IGF1R: variants seen among roughly 807,000 people sequenced by gnomAD.
The protein encoded by IGF1R is insulin-like growth factor 1 receptor.
Under a neutral mutation model 144.6 loss-of-function variants are expected in IGF1R, and 44 were observed. The observed-to-expected ratio is 0.30, with a 90% CI of 0.24 to 0.39. The LOEUF (loss-of-function observed/expected upper bound fraction) is 0.39, where lower values mean the gene tolerates loss of function less well. Among genes scored for constraint, IGF1R ranks in the 10% least tolerant of loss-of-function variants. The pLI is 1.00. For synonymous variants in IGF1R, 795 were observed against 722.8 expected (o/e 1.10, Z -1.60); for missense variants, 1,355 against 1,833.7 (o/e 0.74, Z 4.77).
intron 2 of IGF1R, among the ~76,000 whole-genome samples, chr15:98,736,804 G>A (rs1031903531): frequency 2.6e-5 from 4 of 151,846 alleles, no homozygotes; most frequent in African/African-American, 7.3e-5. Context: ...TAGAGACGAC[G>A]TTTCACCATG....
chr15:98,688,054 G>A (rs2053373925), intron 1 of IGF1R, among the ~76,000 whole-genome samples: 2 of 152,168 alleles, frequency 1.3e-5, no homozygotes, highest in Admixed American at 1.3e-4. Flanking sequence ...AGAGGCTGAT[G>A]GGCGGGGAGT....
intron 2 of IGF1R, among the ~76,000 whole-genome samples, chr15:98,816,084 C>A (rs1171104928): frequency 6.6e-6 from 1 of 152,186 alleles, no homozygotes; most frequent in Non-Finnish European, 1.5e-5. Flanking sequence ...GCCACCCCAG[C>A]CACCCTACTT....
intron 2 of IGF1R, among the ~76,000 whole-genome samples, chr15:98,737,752 A>G (rs2175800): frequency 0.93 from 141,367 of 152,128 alleles, 65,977 homozygotes; most frequent in Non-Finnish European, 0.98. Flanking sequence ...ATGATGAGGT[A>G]GAGTGGAGGG....
chr15:98,789,570 A>G (rs1364262760), intron 2 of IGF1R, among the ~76,000 whole-genome samples: 1 of 152,204 alleles, frequency 6.6e-6, no homozygotes. Flanking sequence ...TACCTTACAA[A>G]GAAGGTGATA....
chr15:98,825,611 T>G (rs2056879718), intron 2 of IGF1R, among the ~76,000 whole-genome samples: 1 of 152,182 alleles, frequency 6.6e-6, no homozygotes, highest in African/African-American at 2.4e-5. Context: ...TGGAACAGTT[T>G]CATCCCAAAA....
At chr15:98,847,804 G>T (rs1339368954) in intron 2 of IGF1R, among the ~76,000 whole-genome samples, 2 of 152,180 alleles carry the variant, frequency 1.3e-5, no homozygotes, top group African/African-American at 2.4e-5. Flanking sequence ...GACATACTGA[G>T]ATGAAGTTAG....
intron 2 of IGF1R, among the ~76,000 whole-genome samples, chr15:98,803,252 T>C (rs1380177531): frequency 6.6e-6 from 1 of 152,224 alleles, no homozygotes; most frequent in Non-Finnish European, 1.5e-5. Context: ...TGGAGCATGT[T>C]GCTGTTCTGA....
intron 2 of IGF1R, among the ~76,000 whole-genome samples, chr15:98,756,429 G>T (rs553803151): frequency 6.6e-6 from 1 of 152,108 alleles, no homozygotes; most frequent in East Asian, 1.9e-4. Context: ...TGCTGGGAAA[G>T]AATTTATCTA....
chr15:98,814,403 T>G (rs1596325368), intron 2 of IGF1R, among the ~76,000 whole-genome samples: 1 of 151,966 alleles, frequency 6.6e-6, no homozygotes, highest in Admixed American at 6.6e-5. Context: ...CAGGCTGGAG[T>G]GCAGTGGCAC....
chr15:98,818,085 T>G (rs139077354), intron 2 of IGF1R, among the ~76,000 whole-genome samples: 1 of 152,310 alleles, frequency 6.6e-6, no homozygotes, highest in Non-Finnish European at 1.5e-5. Flanking sequence ...ATTAAGGACA[T>G]TAATCCAATT....
At chr15:98,814,932 ATACT>A (rs1269725446) in intron 2 of IGF1R, among the ~76,000 whole-genome samples, 1 of 152,216 alleles carries the variant, frequency 6.6e-6, no homozygotes, top group African/African-American at 2.4e-5. Flanking sequence ...AGGAAACTTA[ATACT>A]TCATGTTTTT....
At chr15:98,821,178 A>G (rs1415042992) in intron 2 of IGF1R, among the ~76,000 whole-genome samples, 1 of 152,104 alleles carries the variant, frequency 6.6e-6, no homozygotes, top group African/African-American at 2.4e-5. Context: ...TGTGTAAACA[A>G]CTTCTGGTGT....
At position 98,935,902 on chromosome 15, in the gene IGF1R, A is replaced by G. The variant is rs1043442399; in HGVS notation, c.3297+476A>G. On this transcript the variant is annotated intron_variant, in intron 17 of 20. Transcript: ENST00000650285. This position sits in a 1 kb window ranked among gnomAD's most constrained non-coding sequence, Gnocchi z 4.2. ...TCCACCCCGTTGTGTTTAGCTTTTC[A>G]TCTCAGTCCAAGTGTGTGGCTCAGG... Among the ~76,000 whole-genome samples, 4 of 151,956 alleles carry G rather than the reference A, an allele frequency of 2.6e-5. No homozygotes were observed. Among genetic ancestry groups the G allele is most frequent in the Non-Finnish European group, 4.4e-5 (3 of 68,006 alleles).
intron 1 of IGF1R, among the ~76,000 whole-genome samples, chr15:98,669,992 G>A (rs915753324): frequency 6.6e-6 from 1 of 152,142 alleles, no homozygotes; most frequent in South Asian, 2.1e-4. Flanking sequence ...GAGGTAGATC[G>A]GGGCCCCAGG....
chr15:98,811,949 G>A lies in IGF1R; in HGVS notation c.641-79376G>A, dbSNP rs142029985. ...AAAAAAATAAGTCAACTATCTCAAGGTAATTACCCTTTTGAATACTTGAGG... is the reference window on the plus strand; with the variant it reads ...AAAAAAATAAGTCAACTATCTCAAGATAATTACCCTTTTGAATACTTGAGG... On this transcript the variant is annotated intron_variant, in intron 2 of 20. Coordinates refer to ENST00000650285, the MANE Select transcript of IGF1R (RefSeq NM_000875.5). Among the ~76,000 whole-genome samples, 43 of 152,290 alleles carry A rather than the reference G, an allele frequency of 2.8e-4. No homozygotes were observed. The East Asian group carries it at 3.3e-3, about 12-fold the overall frequency.
chr15:98,896,276 C>T (rs538680901), intron 3 of IGF1R, among the ~76,000 whole-genome samples: 1 of 152,298 alleles, frequency 6.6e-6, no homozygotes, highest in African/African-American at 2.4e-5. Context: ...ACACTGACTG[C>T]AGGAGCTAGA....
chr15:98,802,767 TC>T (rs2141439216), intron 2 of IGF1R, among the ~76,000 whole-genome samples: 1 of 152,360 alleles, frequency 6.6e-6, no homozygotes, highest in East Asian at 1.9e-4. Flanking sequence ...AGATATTTTT[TC>T]TCATATATTA....
rs1208494354 is a variant in IGF1R, at chr15:98,843,161, A to T, written c.641-48164A>T. Among the ~76,000 whole-genome samples the T allele has an allele frequency of 2.0e-5, 3 of 152,150 alleles. No homozygotes were observed. The East Asian group carries it at 5.8e-4, about 29-fold the overall frequency. On this transcript the variant is annotated intron_variant, in intron 2 of 20. Coordinates refer to ENST00000650285, the MANE Select transcript of IGF1R (RefSeq NM_000875.5). ...TGCTCTTACCATTCTTTCATCCTTC[A>T]ACCTGCTGTGCTACAATCCTAACAT...
intron 2 of IGF1R, among the ~76,000 whole-genome samples, chr15:98,730,644 G>A (rs192669508): frequency 1.2e-4 from 18 of 152,284 alleles, no homozygotes; most frequent in Admixed American, 2.0e-4. Context: ...GGACTGGGAA[G>A]AATTTAAGAA....
Sources: gnomAD v4.1 joint callset for allele counts (sites outside exome capture counted in the v4.1 genomes callset) on GRCh38, gnomAD v4.1.1 for gene constraint, Gnocchi (gnomAD v3.1) non-coding constraint, MANE v1.5 for transcripts, NCBI Gene and HGNC (gene_info 2026-07-23, HGNC 2026-07-21) for gene names.